Variants in LY96 observed in about 807,000 individuals in gnomAD.
LY96 encodes the protein lymphocyte antigen 96, also known as myeloid differentiation protein-2.
Under a neutral mutation model 18.9 loss-of-function variants are expected in LY96, and 18 were observed. The ratio of observed to expected loss-of-function variants is 0.95; its 90% CI spans 0.66 to 1.41. LY96 has a LOEUF of 1.41. LY96 is among the 40% of genes most tolerant of loss of function. The pLI is 0.00. For missense variants in LY96, 175 were observed against 182.4 expected (o/e 0.96, Z 0.23); for synonymous variants, 66 against 62.6 (o/e 1.06, Z -0.26).
At chr8:74,003,601 C>T (rs1376892354) in intron 1 of LY96, among the ~76,000 whole-genome samples, 2 of 152,186 alleles carry the variant, frequency 1.3e-5, no homozygotes, top group African/African-American at 2.4e-5. Flanking sequence ...AAACAGAATA[C>T]TTGAAGTTCC....
At chr8:74,061,339 C>G in the LY96 span, among the ~76,000 whole-genome samples, 1 of 152,238 alleles carries the variant, frequency 6.6e-6, no homozygotes, top group Non-Finnish European at 1.5e-5. Context: ...CCCCAGCACA[C>G]TGGAACAAAA....
chr8:74,033,871 C>A (rs538863646), downstream of LY96, among the ~76,000 whole-genome samples: 1 of 150,276 alleles, frequency 6.7e-6, no homozygotes, highest in African/African-American at 2.5e-5. Context: ...TAGTAAGATT[C>A]GTTTCTTTCA....
At chr8:74,060,122 G>A in the LY96 span, among the ~76,000 whole-genome samples, 1 of 152,294 alleles carries the variant, frequency 6.6e-6, no homozygotes, top group South Asian at 2.1e-4. Flanking sequence ...ACTCTACCCT[G>A]GGAGGGAGAG....
chr8:74,001,716 G>A (rs1187460406), intron 1 of LY96, among the ~76,000 whole-genome samples: 6 of 152,050 alleles, frequency 3.9e-5, no homozygotes, highest in Non-Finnish European at 8.8e-5. Context: ...GAGTGTGGTA[G>A]TATACACCTG....
At chr8:74,020,908 CA>C (rs1816745368) in intron 3 of LY96, among the ~76,000 whole-genome samples, 1 of 152,124 alleles carries the variant, frequency 6.6e-6, no homozygotes, top group African/African-American at 2.4e-5. Context: ...AAATCTTATA[CA>C]AAAATTAATT....
At chr8:74,032,227 T>C (rs1479455025), downstream of LY96, among the ~76,000 whole-genome samples, 1 of 152,228 alleles carries the variant, frequency 6.6e-6, no homozygotes, top group Non-Finnish European at 1.5e-5. Context: ...ATTTTGTAGA[T>C]TGGTATCATC....
the LY96 span, among the ~76,000 whole-genome samples, chr8:74,088,942 T>C: frequency 2.0e-5 from 3 of 152,200 alleles, no homozygotes; most frequent in Non-Finnish European, 4.4e-5. Context: ...ATTGTATCCA[T>C]GTAAGTTACT....
intron 3 of LY96, among the ~76,000 whole-genome samples, chr8:74,019,783 C>T (rs1036884695): frequency 2.0e-5 from 3 of 152,234 alleles, no homozygotes; most frequent in East Asian, 3.9e-4. Context: ...AATCAATATA[C>T]GTAATTCATC....
intron 1 of LY96, among the ~76,000 whole-genome samples, chr8:73,996,372 C>CTTTCTTTCTTTCTTTCTTT (rs756373007): frequency 2.8e-4 from 31 of 111,002 alleles, no homozygotes; most frequent in East Asian, 1.3e-3. Context: ...TTCCTTCATT[C>CTTTCTTTCTTTCTTTCTTT]CTTTCTTTCT....
the LY96 span, among the ~76,000 whole-genome samples, chr8:74,097,396 A>G: frequency 1.3e-5 from 2 of 152,124 alleles, no homozygotes; most frequent in Admixed American, 1.3e-4. Flanking sequence ...GTTATTTTGG[A>G]GAATAGAAGA....
chr8:74,099,789 G>C, the LY96 span: 3 of 152,108 alleles, frequency 2.0e-5, no homozygotes, highest in African/African-American at 7.2e-5. Context: ...ACACTTCCCA[G>C]CCTCTGGGAA....
chr8:74,057,888 C>T, the LY96 span, among the ~76,000 whole-genome samples: 3,516 of 152,144 alleles, frequency 0.023, 133 homozygotes, highest in African/African-American at 0.076. Flanking sequence ...TATAAAAATG[C>T]GGAATAGAAG....
the LY96 span, among the ~76,000 whole-genome samples, chr8:74,086,841 C>T: frequency 2.6e-5 from 4 of 152,304 alleles, no homozygotes; most frequent in South Asian, 6.2e-4. Context: ...AAGAAGGGGC[C>T]ATCTATCAAC....
At chr8:74,034,461 C>A in the LY96 span, among the ~76,000 whole-genome samples, 2 of 152,024 alleles carry the variant, frequency 1.3e-5, no homozygotes, top group Admixed American at 6.6e-5. Context: ...AGATTTCAGC[C>A]CCAACTTTTG....
At chr8:74,081,790 G>T in the LY96 span, among the ~76,000 whole-genome samples, 1 of 151,956 alleles carries the variant, frequency 6.6e-6, no homozygotes, top group Non-Finnish European at 1.5e-5. Flanking sequence ...AGTAGCTGGG[G>T]CTACAGGTGT....
the LY96 span, among the ~76,000 whole-genome samples, chr8:74,041,748 T>C: frequency 6.6e-6 from 1 of 152,230 alleles, no homozygotes; most frequent in Non-Finnish European, 1.5e-5. Flanking sequence ...ACCGGTTCTC[T>C]GCTCTTGAAC....
At chr8:74,017,998 G>A (rs967290875) in intron 3 of LY96, among the ~76,000 whole-genome samples, 2 of 152,068 alleles carry the variant, frequency 1.3e-5, no homozygotes, top group Non-Finnish European at 1.5e-5. Flanking sequence ...ATAAATTAAC[G>A]AGCAAAATAA....
the LY96 span, among the ~76,000 whole-genome samples, chr8:74,084,645 G>A: frequency 3.4e-4 from 52 of 151,892 alleles, no homozygotes; most frequent in African/African-American, 1.1e-3. Context: ...ATAGAGTCTC[G>A]CTCTGTTGCC....
the LY96 span, among the ~76,000 whole-genome samples, chr8:74,062,821 G>A: frequency 1.3e-5 from 2 of 152,178 alleles, no homozygotes; most frequent in South Asian, 4.1e-4. Flanking sequence ...CATATGGTTA[G>A]TCAGTGTTGA....
Sources: gnomAD v4.1 joint callset for allele counts (sites outside exome capture counted in the v4.1 genomes callset) on GRCh38, gnomAD v4.1.1 for gene constraint, MANE v1.5 for transcripts, NCBI Gene and HGNC (gene_info 2026-07-23, HGNC 2026-07-21) for gene names.